The following KCNIP1 variants were observed in gnomAD, a reference collection of about 807,000 sequenced individuals.
The protein encoded by KCNIP1 is potassium voltage-gated channel interacting protein 1, also known as A-type potassium channel modulatory protein KCNIP1.
KCNIP1 carries 18 observed loss-of-function variants against 33.0 expected under a neutral mutation model. The observed-to-expected ratio is 0.55, with a 90% CI of 0.38 to 0.81. The LOEUF is 0.81. Ranked by LOEUF, KCNIP1 falls within the 30% of genes least tolerant of loss-of-function variation. The pLI is 0.00. For missense variants in KCNIP1, 238 were observed against 271.6 expected (o/e 0.88, Z 0.87); for synonymous variants, 93 against 98.3 (o/e 0.95, Z 0.32).
In KCNIP1 at chr5:170,426,317, CCT is replaced by C. The variant is rs1416755074; in HGVS notation, c.88+72354_88+72355del. 2.0e-5 allele frequency among the ~76,000 whole-genome samples: 3 copies of C among 151,762 alleles called. No individual in the cohort carries two copies. The Admixed American group carries it at 2.0e-4, about 10-fold the overall frequency. On this transcript the variant is annotated intron_variant, in intron 1 of 7. Coordinates refer to the KCNIP1 transcript ENST00000377360. ...TTAATATTATCAGTCATATCAGCCC[CCT>C]GAGGCAGCTGCTCTGTTCCAGACAA...
chr5:170,695,857 A>G (rs1581511868), intron 1 of KCNIP1, among the ~76,000 whole-genome samples: 2 of 152,114 alleles, frequency 1.3e-5, no homozygotes, highest in African/African-American at 4.8e-5. Context: ...CGTCTCTACT[A>G]AAAATACAAA....
upstream of KCNIP1, among the ~76,000 whole-genome samples, chr5:170,499,676 T>C (rs992024220): frequency 2.0e-5 from 3 of 151,434 alleles, no homozygotes; most frequent in Admixed American, 2.0e-4. Context: ...GAGCACTGAG[T>C]AGGGAGGAAG....
chr5:170,447,642 G>A (rs1756152550), intron 1 of KCNIP1, among the ~76,000 whole-genome samples: 1 of 152,004 alleles, frequency 6.6e-6, no homozygotes, highest in Admixed American at 6.6e-5. Context: ...CCAAGACGGG[G>A]GTGTCTTCAC....
chr5:170,626,944 G>A (rs1359219184), intron 1 of KCNIP1, among the ~76,000 whole-genome samples: 1 of 152,210 alleles, frequency 6.6e-6, no homozygotes, highest in Non-Finnish European at 1.5e-5. Context: ...CTGAGAGCAG[G>A]CACCTGAGGC....
intron 1 of KCNIP1, among the ~76,000 whole-genome samples, chr5:170,446,117 G>A (rs763071319): frequency 1.2e-4 from 19 of 152,270 alleles, no homozygotes; most frequent in Non-Finnish European, 1.8e-4. Flanking sequence ...CGATACAGTC[G>A]CCCAGGAAGT....
intron 1 of KCNIP1, among the ~76,000 whole-genome samples, chr5:170,475,544 A>AC (rs1236435032): frequency 6.6e-6 from 1 of 152,212 alleles, no homozygotes; most frequent in Non-Finnish European, 1.5e-5. Context: ...AAGGGCTCTC[A>AC]CTGCTGGTAA....
chr5:170,483,824 A>G (rs1450720430), intron 1 of KCNIP1: 1 of 152,252 alleles, frequency 6.6e-6, no homozygotes, highest in Non-Finnish European at 1.5e-5. Context: ...GTCTACTGGC[A>G]TGCAAGACGC....
At chr5:170,731,046 A>G (rs1764175378) in intron 5 of KCNIP1, among the ~76,000 whole-genome samples, 1 of 152,248 alleles carries the variant, frequency 6.6e-6, no homozygotes, top group African/African-American at 2.4e-5. Context: ...GAAGAATTGT[A>G]ATTAATAAGT....
intron 1 of KCNIP1, among the ~76,000 whole-genome samples, chr5:170,441,948 T>A: frequency 1.3e-5 from 1 of 76,246 alleles, no homozygotes; most frequent in East Asian, 4.4e-4. Flanking sequence ...CGAGACTCCA[T>A]CTCAAAAAAA....
At chr5:170,367,444 A>AAAGG (rs1561587038) in intron 1 of KCNIP1, among the ~76,000 whole-genome samples, 10 of 150,420 alleles carry the variant, frequency 6.6e-5, no homozygotes, top group Non-Finnish European at 1.5e-4. Context: ...GAAAGGAAAG[A>AAAGG]AAGGAAAGAA....
chr5:170,699,652 C>A (rs149067803), intron 1 of KCNIP1, among the ~76,000 whole-genome samples: 121 of 152,124 alleles, frequency 8.0e-4, no homozygotes, highest in African/African-American at 2.8e-3. Context: ...TGAAGCTGAG[C>A]CCAACTCAGC....
intron 1 of KCNIP1, chr5:170,422,691 T>C (rs1755523808): frequency 6.6e-6 from 1 of 152,248 alleles, no homozygotes; most frequent in South Asian, 2.1e-4. Context: ...GAGATTATTT[T>C]ACAGAATGTT....
At chr5:170,540,596 G>A (rs1756162791) in intron 1 of KCNIP1, among the ~76,000 whole-genome samples, 1 of 152,208 alleles carries the variant, frequency 6.6e-6, no homozygotes, top group Non-Finnish European at 1.5e-5. Flanking sequence ...TATGAGTAAT[G>A]ACTGAGAAGA....
At chr5:170,619,559 A>G (rs948450753) in intron 1 of KCNIP1, among the ~76,000 whole-genome samples, 2 of 152,062 alleles carry the variant, frequency 1.3e-5, no homozygotes, top group African/African-American at 4.8e-5. Context: ...CCAAAATGAG[A>G]CCCATCAAAG....
chr5:170,363,358 C>A (rs1027667328), intron 1 of KCNIP1, among the ~76,000 whole-genome samples: 5 of 152,142 alleles, frequency 3.3e-5, no homozygotes, highest in Non-Finnish European at 7.4e-5. Flanking sequence ...ATGATAGGGC[C>A]TTGATGCAGG....
intron 1 of KCNIP1, among the ~76,000 whole-genome samples, chr5:170,447,344 T>C (rs1756146152): frequency 6.6e-6 from 1 of 152,224 alleles, no homozygotes; most frequent in African/African-American, 2.4e-5. Context: ...TCCTGTTTTC[T>C]TTATGAAGCA....
intron 1 of KCNIP1, among the ~76,000 whole-genome samples, chr5:170,428,131 C>G (rs547340613): frequency 6.6e-6 from 1 of 152,192 alleles, no homozygotes; most frequent in African/African-American, 2.4e-5. Context: ...ATCTGTGTTC[C>G]TCAGTGAAGT....
At chr5:170,375,656 G>A (rs1481536440) in intron 1 of KCNIP1, 1 of 152,604 alleles carries the variant, frequency 6.6e-6, no homozygotes, top group African/African-American at 2.4e-5. Flanking sequence ...TTCTGTGGTT[G>A]AGATGCCAGG....
intron 1 of KCNIP1, among the ~76,000 whole-genome samples, chr5:170,691,735 T>C (rs2113816318): frequency 6.6e-6 from 1 of 152,192 alleles, no homozygotes; most frequent in Admixed American, 6.5e-5. Context: ...ATTGCCATGG[T>C]CCAAGAGGCT....
Sources: gnomAD v4.1 joint callset for allele counts (sites outside exome capture counted in the v4.1 genomes callset) on GRCh38, gnomAD v4.1.1 for gene constraint, MANE v1.5 for transcripts, NCBI Gene and HGNC (gene_info 2026-07-23, HGNC 2026-07-21) for gene names.